The following DES variants were observed in gnomAD, a reference collection of about 807,000 sequenced individuals.
DES encodes cardiomyopathy, dilated 1F (autosomal dominant).
Under a neutral mutation model 55.1 loss-of-function variants are expected in DES, and 34 were observed. The observed-to-expected ratio is 0.62, with a 90% CI of 0.47 to 0.82. The LOEUF is 0.82. Ranked by LOEUF, DES falls within the 40% of genes least tolerant of loss-of-function variation. The probability of loss-of-function intolerance (pLI) is 0.00; values close to 1 mark genes in which losing one functional copy is unlikely to be tolerated. For missense variants in DES, 596 were observed against 645.9 expected, an observed-to-expected ratio of 0.92 and a Z score of 0.84; for synonymous variants, 259 against 270.8, an observed-to-expected ratio of 0.96 and a Z score of 0.43.
Position 219,426,131 on chromosome 2 carries a change from C to T in DES, c.*141C>T. On this transcript the variant is annotated 3_prime_UTR_variant, in exon 9 of 9. Transcript: ENST00000373960. The surrounding 1 kb of genome is among the most constrained non-coding windows in gnomAD (Gnocchi z 4.5). Reference sequence around the variant, plus strand: ...CTCTGACCCCTCCTCACTGGCCATCCCTCGTGGTCCCCAACAGCGACATAG... The same window carrying T: ...CTCTGACCCCTCCTCACTGGCCATCTCTCGTGGTCCCCAACAGCGACATAG... The T allele has an allele frequency of 1.0e-6, 1 of 974,218 alleles. No homozygotes were observed. 60.3% of individuals were successfully genotyped at this position (974,218 alleles called of 1,614,324 possible). A position where few individuals can be genotyped will look rare whatever the true frequency, so the allele number is the denominator to read the frequency against.
In DES at chr2:219,425,376, G is replaced by A. The variant is rs111253934; in HGVS notation, c.1289-287G>A. ...GGGGAATGTCAGTGCTGTGCAGCCTGGGCCTCAGGTGTCCCCTACCCTCCT... is the reference window on the plus strand; with the variant it reads ...GGGGAATGTCAGTGCTGTGCAGCCTAGGCCTCAGGTGTCCCCTACCCTCCT... On this transcript the variant is annotated intron_variant, in intron 7 of 8. Coordinates refer to ENST00000373960, the MANE Select transcript of DES (RefSeq NM_001927.4). 5.4e-3 allele frequency: 2,423 copies of A among 452,502 alleles called. 49 individuals are homozygous for A. The highest frequency in any genetic ancestry group is 0.034 in the African/African-American group (1,717 of 50,314). The allele number at this position is 452,502 out of a possible 1,614,324, so 28.0% of individuals were successfully genotyped here.
chr2:219,425,725 A>G lies in DES; in HGVS notation c.1351A>G (p.Ile451Val). ...CAAGAAGACGGTGATGATCAAGACC[A>G]TCGAGACACGGGATGGGGAGGTAAG... ...HTKKTVMIKT[I>V]ETRDGEVVSE... Residue 451 changes from isoleucine (I) to valine (V), a missense_variant, in exon 8 of 9, where the codon ATC (isoleucine) becomes GTC (valine). Coordinates refer to ENST00000373960, the MANE Select transcript of DES (RefSeq NM_001927.4). 1 of 1,603,200 alleles carries G rather than the reference A, an allele frequency of 6.2e-7. No individual in the cohort carries two copies. Among genetic ancestry groups the G allele is most frequent in the East Asian group, 2.2e-5 (1 of 44,584 alleles).
chr2:219,425,677 C>A lies in DES; in HGVS notation c.1303C>A (p.Gln435Lys). The A allele has an allele frequency of 1.3e-6, 2 of 1,583,388 alleles. No homozygotes were observed. Among genetic ancestry groups the A allele is most frequent in the South Asian group, 1.2e-5 (1 of 86,004 alleles). The part of the protein sequence containing the change: ...ALNFRETSPE[Q>K]RGSEVHTKKT... ...CCCTGTTACAGAAACCAGCCCTGAG[C>A]AAAGGGGTTCTGAGGTCCATACCAA... Residue 435 changes from glutamine (Q) to lysine (K), a missense_variant, in exon 8 of 9, where the codon CAA (glutamine) becomes AAA (lysine). Coordinates refer to ENST00000373960, the MANE Select transcript of DES (RefSeq NM_001927.4).
chr2:219,420,012 C>A lies in DES; in HGVS notation c.579-83C>A. On this transcript the variant is annotated intron_variant, in intron 1 of 8. Coordinates refer to ENST00000373960, the MANE Select transcript of DES (RefSeq NM_001927.4). This position sits in a 1 kb window ranked among gnomAD's most constrained non-coding sequence, Gnocchi z 6.0. ...GCCCTCCCGCTCTGTCCTGGACCCA[C>A]CCCCTGGTCAGCCCCCGGCCAGTCG... The A allele has an allele frequency of 6.8e-7, 1 of 1,472,344 alleles. No individual in the cohort carries two copies. The highest frequency in any genetic ancestry group is 9.5e-7 in the Non-Finnish European group (1 of 1,052,490). The allele number at this position is 1,472,344 out of a possible 1,614,324, so 91.2% of individuals were successfully genotyped here.
Position 219,418,663 on chromosome 2 carries a change from G to T in DES, c.201G>T (p.Gly67=), listed in dbSNP as rs1954367179. The part of the protein sequence containing the change: ...SRTSGGAGGL[G]SLRASRLGTT... ...CGTCGGGCGGGGCCGGGGGCCTGGG[G>T]TCGCTGCGGGCCAGCCGGCTGGGGA... is the stretch of plus-strand genomic sequence containing the variant. The change falls in exon 1 of 9, where the codon GGG becomes GGT. Residue 67 remains glycine, a synonymous_variant. Coordinates refer to ENST00000373960, the MANE Select transcript of DES (RefSeq NM_001927.4). 2 of 1,586,090 alleles carry T rather than the reference G, an allele frequency of 1.3e-6. No individual in the cohort carries two copies. Among genetic ancestry groups the T allele is most frequent in the African/African-American group, 1.3e-5 (1 of 74,584 alleles).
chr2:219,418,624 C>G lies in DES; in HGVS notation c.162C>G (p.Tyr54Ter). 1 of 1,601,826 alleles carries G rather than the reference C, an allele frequency of 6.2e-7. No homozygotes were observed. The highest frequency in any genetic ancestry group is 8.5e-7 in the Non-Finnish European group (1 of 1,174,580). The change falls in exon 1 of 9, where the codon TAC (tyrosine) becomes TAG (stop). Residue 54 changes from tyrosine (Y) to a stop codon, truncating the protein, a stop_gained. Coordinates refer to ENST00000373960, the MANE Select transcript of DES (RefSeq NM_001927.4). LOFTEE classifies it high-confidence loss of function. ...GSSSSVTSRV[Y>*]QVSRTSGGAG... The stretch of plus-strand genomic sequence containing the variant: ...CCAGCTCGGTGACGTCCCGCGTGTA[C>G]CAGGTGTCGCGCACGTCGGGCGGGG...
intron 6 of DES, 55 bp from the exon 7 acceptor site, chr2:219,423,716 GCTGGGC>G: frequency 6.4e-7 from 1 of 1,559,142 alleles, no homozygotes; most frequent in South Asian, 1.1e-5. Flanking sequence ...TGGGATTACA[GCTGGGC>G]CCGGCCGATG....
At position 219,418,689 on chromosome 2, in the gene DES, C is replaced by T. The variant is rs756139205; in HGVS notation, c.227C>T (p.Thr76Ile). The T allele has an allele frequency of 6.4e-7, 1 of 1,572,202 alleles. No homozygotes were observed. Among genetic ancestry groups the T allele is most frequent in the Non-Finnish European group, 8.6e-7 (1 of 1,158,896 alleles). The change falls in exon 1 of 9, where the codon ACC becomes ATC. Residue 76 changes from threonine to isoleucine, a missense_variant. Physicochemically the swap from Thr to Ile is moderately conservative, Grantham distance 89 (BLOSUM62 -1). Transcript: ENST00000373960. ...TCGCTGCGGGCCAGCCGGCTGGGGACCACCCGCACGCCCTCCTCCTACGGC... is the reference window on the plus strand; with the variant it reads ...TCGCTGCGGGCCAGCCGGCTGGGGATCACCCGCACGCCCTCCTCCTACGGC... ...LGSLRASRLG[T>I]TRTPSSYGAG...
In DES at chr2:219,420,316, G is replaced by A. The variant is rs370836572; in HGVS notation, c.705G>A (p.Glu235=). The change falls in exon 3 of 9, where the codon GAG becomes GAA. Residue 235 remains glutamate, a synonymous_variant. Transcript: ENST00000373960. The surrounding 1 kb of genome is among the most constrained non-coding windows in gnomAD (Gnocchi z 6.0). Reference sequence around the variant, plus strand: ...GCAGAATTGAATCTCTCAACGAGGAGATCGCGTTCCTTAAGAAAGTGCATG... The same window carrying A: ...GCAGAATTGAATCTCTCAACGAGGAAATCGCGTTCCTTAAGAAAGTGCATG... ...LERRIESLNE[E]IAFLKKVHEE... The A allele has an allele frequency of 4.3e-6, 7 of 1,614,180 alleles. No individual in the cohort carries two copies. Among genetic ancestry groups the A allele is most frequent in the Non-Finnish European group, 5.9e-6 (7 of 1,180,050 alleles).
chr2:219,420,336 T>A lies in DES; in HGVS notation c.725T>A (p.Val242Glu), dbSNP rs794728984. ...LNEEIAFLKK[V>E]HEEEIRELQA... is the part of the protein sequence containing the mutation. ...GAGGAGATCGCGTTCCTTAAGAAAG[T>A]GCATGAAGAGGTATACCTTGGCCCC... Residue 242 changes from valine (V) to glutamate (E), a missense_variant, in exon 3 of 9, where the codon GTG (valine) becomes GAG (glutamate). Val to Glu is a moderately radical substitution (Grantham distance 121). Transcript: ENST00000373960. The surrounding 1 kb of genome is among the most constrained non-coding windows in gnomAD (Gnocchi z 6.0). The A allele has an allele frequency of 3.1e-6, 5 of 1,614,022 alleles. No homozygotes were observed. The highest frequency in any genetic ancestry group is 4.2e-6 in the Non-Finnish European group (5 of 1,180,014).
rs1038211323 is a variant in DES, at chr2:219,419,074, C to T, written c.578+34C>T. 29 of 1,535,550 alleles carry T rather than the reference C, an allele frequency of 1.9e-5. No homozygotes were observed. The highest frequency in any genetic ancestry group is 4.1e-5 in the African/African-American group (3 of 72,992). Reference sequence around the variant, plus strand: ...CCGGCACCCCAGACTCCTCTTTCTGCGGGCAGGGCACAGGAGGCTAGGCCT... The same window carrying T: ...CCGGCACCCCAGACTCCTCTTTCTGTGGGCAGGGCACAGGAGGCTAGGCCT... On this transcript the variant is annotated intron_variant, in intron 1 of 8. Transcript: ENST00000373960. The surrounding 1 kb of genome is among the most constrained non-coding windows in gnomAD (Gnocchi z 4.3).
chr2:219,420,011 A>C lies in DES; in HGVS notation c.579-84A>C, dbSNP rs1261298162. 16 of 1,458,486 alleles carry C rather than the reference A, an allele frequency of 1.1e-5. No homozygotes were observed. The highest frequency in any genetic ancestry group is 2.8e-5 in the African/African-American group (2 of 71,352). The allele number at this position is 1,458,486 out of a possible 1,614,324, so 90.3% of individuals were successfully genotyped here. On this transcript the variant is annotated intron_variant, in intron 1 of 8. Transcript: ENST00000373960. The surrounding 1 kb of genome is among the most constrained non-coding windows in gnomAD (Gnocchi z 6.0). ...GGCCCTCCCGCTCTGTCCTGGACCC[A>C]CCCCCTGGTCAGCCCCCGGCCAGTC...
Position 219,420,165 on chromosome 2 carries a change from C to A in DES, c.639+10C>A. ...GGCTGCCTTCCGAGCGGTGAGTGCC[C>A]TTCTTTTCCCCTTGCATGGCCTCTG... is the stretch of plus-strand genomic sequence containing the variant. On this transcript the variant is annotated intron_variant, in intron 2 of 8. Coordinates refer to ENST00000373960, the MANE Select transcript of DES (RefSeq NM_001927.4). The surrounding 1 kb of genome is among the most constrained non-coding windows in gnomAD (Gnocchi z 6.0). 1 of 1,614,214 alleles carries A rather than the reference C, an allele frequency of 6.2e-7. No individual in the cohort carries two copies. The highest frequency in any genetic ancestry group is 1.3e-5 in the African/African-American group (1 of 75,066).
rs566280820 is a variant in DES, at chr2:219,421,329, C to G, written c.1024-11C>G. 6.2e-7 allele frequency: 1 copy of G among 1,613,826 alleles called. No individual in the cohort carries two copies. The highest frequency in any genetic ancestry group is 8.5e-7 in the Non-Finnish European group (1 of 1,179,918). On this transcript the variant is annotated splice_polypyrimidine_tract_variant and intron_variant, in intron 5 of 8. Transcript: ENST00000373960. ...TTCCCTTCCTTGACCTGGGTTCCCC[C>G]TCTCCTGCAGAACGATTCCCTGATG...
In DES at chr2:219,420,004, TG is replaced by T; in HGVS notation, c.579-89del. ...GCAGCCAGGCCCTCCCGCTCTGTCC[TG>T]GACCCACCCCCTGGTCAGCCCCCGG... On this transcript the variant is annotated intron_variant, in intron 1 of 8. Transcript: ENST00000373960. The surrounding 1 kb of genome is among the most constrained non-coding windows in gnomAD (Gnocchi z 6.0). 7.1e-7 allele frequency: 1 copy of T among 1,413,008 alleles called. No individual in the cohort carries two copies. The highest frequency in any genetic ancestry group is 1.0e-6 in the Non-Finnish European group (1 of 999,314). 87.5% of individuals were successfully genotyped at this position (1,413,008 alleles called of 1,614,324 possible).
At chr2:219,423,717 C>G in intron 6 of DES, 60 bp from the exon 7 acceptor site, 4 of 1,561,232 alleles carry the variant, frequency 2.6e-6, no homozygotes, top group Non-Finnish European at 3.5e-6. Flanking sequence ...GGGATTACAG[C>G]TGGGCCCGGC....
rs1666366733 is a variant in DES, at chr2:219,419,491, C to T, written c.578+451C>T. On this transcript the variant is annotated intron_variant, in intron 1 of 8. Transcript: ENST00000373960. This position sits in a 1 kb window ranked among gnomAD's most constrained non-coding sequence, Gnocchi z 4.3. ...CCAGAGTCCAAGCAACAGCTCTCAG[C>T]TCAGCTGTGATGAGGCCCTGGGGGA... Among the ~76,000 whole-genome samples the T allele has an allele frequency of 6.6e-6, 1 of 150,688 alleles. No individual in the cohort carries two copies. Among genetic ancestry groups the T allele is most frequent in the African/African-American group, 2.5e-5 (1 of 40,654 alleles).
chr2:219,421,046 T>G, intron 5 of DES, 93 bp downstream of exon 5: 4 of 1,517,762 alleles, frequency 2.6e-6, no homozygotes, highest in Non-Finnish European at 3.6e-6. Context: ...AGATCCTCTC[T>G]GGGCCTTCAT....
At chr2:219,421,608 G>A (rs772061643) in intron 6 of DES, 48 bp downstream of exon 6, 2 of 1,572,030 alleles carry the variant, frequency 1.3e-6, no homozygotes, top group African/African-American at 2.7e-5. Context: ...GGTGCTGGGT[G>A]GTCCATTTCT....
Sources: gnomAD v4.1 joint callset for allele counts (sites outside exome capture counted in the v4.1 genomes callset) on GRCh38, gnomAD v4.1.1 for gene constraint, Gnocchi (gnomAD v3.1) non-coding constraint, MANE v1.5 for transcripts, NCBI Gene and HGNC (gene_info 2026-07-23, HGNC 2026-07-21) for gene names.